Variants in AGBL4 observed in about 807,000 individuals in gnomAD.
AGBL4 encodes the protein AGBL carboxypeptidase 4.
In AGBL4, 58 loss-of-function variants were observed where a neutral mutation model predicts 66.4. The observed-to-expected ratio is 0.87, with a 90% CI of 0.71 to 1.09. The LOEUF (loss-of-function observed/expected upper bound fraction) is 1.09, where lower values mean the gene tolerates loss of function less well. Ranked by LOEUF, AGBL4 falls within the 50% of genes least tolerant of loss-of-function variation. AGBL4 has a pLI of 0.00. For missense variants in AGBL4, 579 were observed against 631.0 expected, an observed-to-expected ratio of 0.92 and a Z score of 0.88; for synonymous variants, 234 against 222.9, an observed-to-expected ratio of 1.05 and a Z score of -0.44.
At chr1:49,827,955 A>AT (rs1429436853) in intron 2 of AGBL4, among the ~76,000 whole-genome samples, 27 of 152,206 alleles carry the variant, frequency 1.8e-4, no homozygotes, top group Non-Finnish European at 3.5e-4. Flanking sequence ...GACACTAGTA[A>AT]AATGTCTAAC....
rs532130979 is a variant in AGBL4, at chr1:49,133,581, T to C, written c.378-87781A>G. Among the ~76,000 whole-genome samples the C allele has an allele frequency of 7.8e-4, 118 of 152,236 alleles. 3 individuals are homozygous for C. In the South Asian group the frequency reaches 0.024, roughly 31 times the overall value. On this transcript the variant is annotated intron_variant, in intron 4 of 13. Coordinates refer to ENST00000371839, the MANE Select transcript of AGBL4 (RefSeq NM_032785.4). ...AAATTGTCAACTATTAAAAATAGTA[T>C]AATATGTAGTATGTCAAGGGTGTTG... is the stretch of plus-strand genomic sequence containing the variant.
intron 4 of AGBL4, among the ~76,000 whole-genome samples, chr1:49,157,548 G>T (rs759045568): frequency 6.6e-6 from 1 of 152,150 alleles, no homozygotes; most frequent in Non-Finnish European, 1.5e-5. Flanking sequence ...ACATACGAGT[G>T]CATGTGTCTT....
chr1:48,814,099 A>C (rs1474520701), intron 6 of AGBL4, among the ~76,000 whole-genome samples: 3 of 152,096 alleles, frequency 2.0e-5, no homozygotes, highest in Non-Finnish European at 2.9e-5. Flanking sequence ...TATTTCAGCA[A>C]CACCTTCAGC....
At chr1:49,549,573 A>T (rs1339129580) in intron 3 of AGBL4, among the ~76,000 whole-genome samples, 1 of 152,260 alleles carries the variant, frequency 6.6e-6, no homozygotes, top group African/African-American at 2.4e-5. Context: ...TTTACTTTCC[A>T]TGTACTTGCA....
At chr1:49,525,761 AC>A (rs1232447639) in intron 3 of AGBL4, among the ~76,000 whole-genome samples, 1 of 151,938 alleles carries the variant, frequency 6.6e-6, no homozygotes, top group Non-Finnish European at 1.5e-5. Flanking sequence ...GTGAGGAGAC[AC>A]TCCACAGAAA....
At chr1:49,830,059 C>T (rs1052566908) in intron 2 of AGBL4, among the ~76,000 whole-genome samples, 2 of 152,082 alleles carry the variant, frequency 1.3e-5, no homozygotes, top group Non-Finnish European at 2.9e-5. Flanking sequence ...CTATTGTGAA[C>T]AGTGCTGCAA....
chr1:48,986,878 A>G (rs529561674), intron 5 of AGBL4, among the ~76,000 whole-genome samples: 1 of 152,222 alleles, frequency 6.6e-6, no homozygotes, highest in East Asian at 1.9e-4. Context: ...AGGTTCTTAT[A>G]CTACATATGA....
intron 1 of AGBL4, among the ~76,000 whole-genome samples, chr1:49,994,165 T>G (rs1446384425): frequency 6.6e-6 from 1 of 152,120 alleles, no homozygotes; most frequent in Admixed American, 6.5e-5. Flanking sequence ...ATGTGTCTCT[T>G]AAGTGGCACA....
At chr1:48,761,381 C>T in intron 6 of AGBL4, 1 of 1,551,990 alleles carries the variant, frequency 6.4e-7, no homozygotes, top group Non-Finnish European at 8.7e-7. Flanking sequence ...TAATCTTTAA[C>T]CTCTCCATCT....
intron 6 of AGBL4, among the ~76,000 whole-genome samples, chr1:48,665,824 AT>A (rs1646177859): frequency 6.6e-6 from 1 of 152,220 alleles, no homozygotes; most frequent in Non-Finnish European, 1.5e-5. Flanking sequence ...CACTGACCCC[AT>A]CTTCCAGCAG....
intron 6 of AGBL4, among the ~76,000 whole-genome samples, chr1:48,715,552 A>C (rs1360505187): frequency 6.6e-6 from 1 of 152,224 alleles, no homozygotes; most frequent in Non-Finnish European, 1.5e-5. Context: ...CACCTAGCCC[A>C]GAATGGCTTC....
intron 3 of AGBL4, among the ~76,000 whole-genome samples, chr1:49,618,224 T>C (rs1175236083): frequency 2.6e-5 from 4 of 152,196 alleles, no homozygotes; most frequent in African/African-American, 9.6e-5. Flanking sequence ...ACGGTATACC[T>C]GTGCCACATT....
intron 3 of AGBL4, among the ~76,000 whole-genome samples, chr1:49,434,282 G>C (rs951340389): frequency 6.6e-6 from 1 of 151,984 alleles, no homozygotes; most frequent in African/African-American, 2.4e-5. Flanking sequence ...TGCTGGATTG[G>C]TGGAGCAAAG....
At chr1:48,603,717 T>A (rs895779593) in intron 9 of AGBL4, among the ~76,000 whole-genome samples, 4 of 152,168 alleles carry the variant, frequency 2.6e-5, no homozygotes, top group Admixed American at 1.3e-4. Context: ...GAATTAGTGG[T>A]CATAAGACTC....
At chr1:49,847,792 G>A (rs1047827447) in intron 2 of AGBL4, among the ~76,000 whole-genome samples, 9 of 149,932 alleles carry the variant, frequency 6.0e-5, no homozygotes, top group Non-Finnish European at 8.9e-5. Flanking sequence ...GGCTCCACCC[G>A]CCAGGTTCAT....
chr1:49,287,965 A>G (rs1644454182), intron 3 of AGBL4, among the ~76,000 whole-genome samples: 1 of 135,698 alleles, frequency 7.4e-6, no homozygotes, highest in Admixed American at 7.6e-5. Context: ...GAACCAAGCC[A>G]AATGTCCAAC....
At chr1:48,856,921 T>A (rs979312491) in intron 6 of AGBL4, among the ~76,000 whole-genome samples, 5 of 152,148 alleles carry the variant, frequency 3.3e-5, no homozygotes, top group Non-Finnish European at 7.4e-5. Flanking sequence ...GAATTCTGTC[T>A]GGGGAAGAGG....
chr1:48,754,551 A>C (rs1053254094), intron 6 of AGBL4, among the ~76,000 whole-genome samples: 39 of 152,094 alleles, frequency 2.6e-4, no homozygotes, highest in Non-Finnish European at 7.4e-5. Context: ...GCATTTACTT[A>C]TTTGGGGGAG....
At chr1:49,604,486 G>C (rs541860338) in intron 3 of AGBL4, among the ~76,000 whole-genome samples, 84 of 152,266 alleles carry the variant, frequency 5.5e-4, no homozygotes, top group Admixed American at 1.1e-3. Flanking sequence ...TTTGTCAGAT[G>C]CATAGTTTGC....
Sources: allele counts gnomAD v4.1 joint callset (sites outside exome capture counted in the v4.1 genomes callset), GRCh38; gene constraint gnomAD v4.1.1; transcripts MANE v1.5; gene names NCBI Gene and HGNC (gene_info 2026-07-23, HGNC 2026-07-21).